RFPL1: variants seen among roughly 807,000 people sequenced by gnomAD.
RFPL1 encodes ret finger protein like 1.
A neutral mutation model predicts 9.6 loss-of-function variants in RFPL1; 6 were observed. That is an observed-to-expected ratio of 0.62 (90% CI 0.34 to 1.23). The LOEUF (loss-of-function observed/expected upper bound fraction) is 1.23, where lower values mean the gene tolerates loss of function less well. RFPL1 is among the 50% of genes most tolerant of loss of function. The pLI is 0.03. For synonymous variants in RFPL1, 145 were observed against 149.4 expected (o/e 0.97, Z 0.22); for missense variants, 352 against 398.4 (o/e 0.88, Z 0.99).
the RFPL1 span, among the ~76,000 whole-genome samples, chr22:29,418,304 G>A: frequency 1.3e-5 from 2 of 151,560 alleles, no homozygotes; most frequent in Admixed American, 6.6e-5. Flanking sequence ...GCCAAGGTGC[G>A]GCAGCCGCTC....
chr22:29,437,853 C>T, upstream of RFPL1: 2 of 967,992 alleles, frequency 2.1e-6, no homozygotes, highest in Non-Finnish European at 1.5e-6. Flanking sequence ...CTGAGTGCTG[C>T]CTCAGAGTTG....
the RFPL1 span, among the ~76,000 whole-genome samples, chr22:29,410,467 T>TATATAGATATATATATGTAG: frequency 5.7e-5 from 5 of 87,740 alleles, no homozygotes; most frequent in South Asian, 1.1e-3. Flanking sequence ...TATATATCTA[T>TATATAGATATATATATGTAG]ATATAGATAT....
the RFPL1 span, among the ~76,000 whole-genome samples, chr22:29,389,685 C>CAA: frequency 5.4e-3 from 411 of 75,584 alleles, 2 homozygotes; most frequent in African/African-American, 0.017. Flanking sequence ...GACTCCGTCT[C>CAA]AAAAAAAAAA....
chr22:29,423,185 G>T, the RFPL1 span: 7 of 1,326,216 alleles, frequency 5.3e-6, no homozygotes, highest in African/African-American at 2.9e-5. Flanking sequence ...CTGTAGCCAG[G>T]CTTCTGCAAG....
upstream of RFPL1, chr22:29,434,899 A>AT (rs1437117401): frequency 1.3e-5 from 2 of 152,326 alleles, no homozygotes; most frequent in East Asian, 3.9e-4. Context: ...CACTGTGCCC[A>AT]TTTTATGCTC....
the RFPL1 span, among the ~76,000 whole-genome samples, chr22:29,416,280 A>C: frequency 6.7e-6 from 1 of 149,042 alleles, no homozygotes; most frequent in Non-Finnish European, 1.5e-5. Flanking sequence ...GGGCAGGCAG[A>C]GTTGTGGACA....
chr22:29,405,785 G>A, the RFPL1 span, among the ~76,000 whole-genome samples: 1 of 152,166 alleles, frequency 6.6e-6, no homozygotes, highest in Non-Finnish European at 1.5e-5. Context: ...TGCTCTGCCC[G>A]TCCCTCGGGG....
chr22:29,404,863 T>C, the RFPL1 span, among the ~76,000 whole-genome samples: 5 of 152,056 alleles, frequency 3.3e-5, no homozygotes, highest in Non-Finnish European at 7.4e-5. Context: ...CGTACCTAGG[T>C]AAACAAGAGC....
the RFPL1 span, among the ~76,000 whole-genome samples, chr22:29,419,776 G>A: frequency 6.7e-6 from 1 of 148,446 alleles, no homozygotes; most frequent in Admixed American, 6.7e-5. Context: ...TCCAGCCTGG[G>A]TGACACAAAG....
intron 1 of RFPL1, chr22:29,439,958 T>G (rs1296723157): frequency 6.6e-6 from 1 of 152,268 alleles, no homozygotes; most frequent in East Asian, 1.9e-4. Context: ...TGGTGTTTGT[T>G]TCTGTGAGTG....
At chr22:29,404,275 A>C in the RFPL1 span, among the ~76,000 whole-genome samples, 11 of 152,328 alleles carry the variant, frequency 7.2e-5, no homozygotes, top group Admixed American at 3.3e-4. Flanking sequence ...CCTTAACTTC[A>C]GTGGGTAGCC....
the RFPL1 span, among the ~76,000 whole-genome samples, chr22:29,424,588 C>T: frequency 2.7e-5 from 4 of 148,256 alleles, no homozygotes; most frequent in East Asian, 2.0e-4. Context: ...TATGCTCTAT[C>T]GATGAAGGAA....
At chr22:29,442,028 G>A (rs201488181) in exon 2 of RFPL1, 67 of 1,613,936 alleles carry the variant, frequency 4.2e-5, no homozygotes, top group Non-Finnish European at 5.1e-6. Flanking sequence ...GCTCCTCCAA[G>A]TCCACCTAAT....
the RFPL1 span, among the ~76,000 whole-genome samples, chr22:29,428,521 A>G: frequency 1.3e-5 from 2 of 152,246 alleles, no homozygotes; most frequent in African/African-American, 4.8e-5. Flanking sequence ...TAGAGCTAAC[A>G]GATGAACAGT....
At chr22:29,402,049 A>C in the RFPL1 span, among the ~76,000 whole-genome samples, 3 of 152,134 alleles carry the variant, frequency 2.0e-5, no homozygotes, top group East Asian at 1.9e-4. Flanking sequence ...TTATTCTTTA[A>C]AAAAAATACT....
chr22:29,412,119 GA>G, the RFPL1 span, among the ~76,000 whole-genome samples: 1 of 152,150 alleles, frequency 6.6e-6, no homozygotes, highest in Non-Finnish European at 1.5e-5. Context: ...AAATTGGTGA[GA>G]GGGGCAGAAC....
At chr22:29,437,845 G>C, upstream of RFPL1, 2 of 1,035,922 alleles carry the variant, frequency 1.9e-6, no homozygotes, top group Non-Finnish European at 2.7e-6. Flanking sequence ...AAGGCTGTCT[G>C]AGTGCTGCCT....
chr22:29,394,636 C>A, the RFPL1 span, among the ~76,000 whole-genome samples: 1 of 152,256 alleles, frequency 6.6e-6, no homozygotes, highest in Non-Finnish European at 1.5e-5. Flanking sequence ...GCCACTGCAC[C>A]GGGCCTGGCC....
chr22:29,435,713 T>C (rs1410703197), upstream of RFPL1, among the ~76,000 whole-genome samples: 5 of 147,444 alleles, frequency 3.4e-5, no homozygotes, highest in African/African-American at 1.3e-4. Flanking sequence ...TTCAAAAATA[T>C]ATATACAAAG....
Sources: gnomAD v4.1 joint callset for allele counts (sites outside exome capture counted in the v4.1 genomes callset) on GRCh38, gnomAD v4.1.1 for gene constraint, MANE v1.5 for transcripts, NCBI Gene and HGNC (gene_info 2026-07-23, HGNC 2026-07-21) for gene names.